PITPNC1: variants seen among roughly 807,000 people sequenced by gnomAD.
PITPNC1 encodes the protein cytoplasmic phosphatidylinositol transfer protein 1.
A neutral mutation model predicts 44.7 loss-of-function variants in PITPNC1; 18 were observed. The observed-to-expected ratio is 0.40, with a 90% CI of 0.28 to 0.60. The LOEUF (loss-of-function observed/expected upper bound fraction) is 0.60, where lower values mean the gene tolerates loss of function less well. PITPNC1 is among the 20% of genes least tolerant of loss of function. The probability of loss-of-function intolerance (pLI) is 0.39; values close to 1 mark genes in which losing one functional copy is unlikely to be tolerated. For missense variants in PITPNC1, 290 were observed against 418.4 expected, an observed-to-expected ratio of 0.69 and a Z score of 2.68; for synonymous variants, 141 against 149.6, an observed-to-expected ratio of 0.94 and a Z score of 0.42.
intron 1 of PITPNC1, among the ~76,000 whole-genome samples, chr17:67,387,559 G>A (rs995450242): frequency 2.0e-5 from 3 of 152,124 alleles, no homozygotes; most frequent in Non-Finnish European, 2.9e-5. Context: ...CCAGCTACTC[G>A]GGAGGCCAAC....
At chr17:67,610,212 G>A (rs927163858) in intron 5 of PITPNC1, among the ~76,000 whole-genome samples, 1 of 152,014 alleles carries the variant, frequency 6.6e-6, no homozygotes, top group Non-Finnish European at 1.5e-5. Flanking sequence ...CCACTGAATC[G>A]GAACCTGAAT....
chr17:67,462,884 T>C lies in PITPNC1; in HGVS notation c.49-69918T>C, dbSNP rs1005734341. On this transcript the variant is annotated intron_variant, in intron 1 of 8. Transcript: ENST00000581322. Reference sequence around the variant, plus strand: ...CGCCCGGCTAATTTTGTATTTTTAGTAGAGGCGGGGTTTCTGCATGTTGGT... The same window carrying C: ...CGCCCGGCTAATTTTGTATTTTTAGCAGAGGCGGGGTTTCTGCATGTTGGT... 2.0e-5 allele frequency among the ~76,000 whole-genome samples: 3 copies of C among 152,230 alleles called. No homozygotes were observed. In the East Asian group the frequency reaches 5.8e-4, roughly 30 times the overall value.
intron 1 of PITPNC1, among the ~76,000 whole-genome samples, chr17:67,509,508 G>A (rs1228192018): frequency 1.3e-5 from 2 of 151,758 alleles, no homozygotes; most frequent in Non-Finnish European, 2.9e-5. Flanking sequence ...CCACACTCCA[G>A]CCTGGGCAAC....
chr17:67,479,030 G>C (rs1360080624), intron 1 of PITPNC1, among the ~76,000 whole-genome samples: 1 of 151,930 alleles, frequency 6.6e-6, no homozygotes, highest in African/African-American at 2.4e-5. Flanking sequence ...AATCATTACT[G>C]AGCAATTCAC....
rs143708420 is a variant in PITPNC1, at chr17:67,493,570, G to A, written c.49-39232G>A. Among the ~76,000 whole-genome samples, 260 of 152,332 alleles carry A rather than the reference G, an allele frequency of 1.7e-3. 1 individual carries two copies. The highest frequency in any genetic ancestry group is 4.1e-3 in the Admixed American group (62 of 15,306). On this transcript the variant is annotated intron_variant, in intron 1 of 8. Coordinates refer to ENST00000581322, the MANE Select transcript of PITPNC1 (RefSeq NM_012417.4). Reference sequence around the variant, plus strand: ...AGTGCTGGTACAGCGGATAAGACTAGATTAAAACCCAGGGTCCCCAGCTGT... The same window carrying A: ...AGTGCTGGTACAGCGGATAAGACTAAATTAAAACCCAGGGTCCCCAGCTGT...
intron 6 of PITPNC1, among the ~76,000 whole-genome samples, chr17:67,641,729 G>A (rs1003739461): frequency 4.6e-5 from 7 of 151,436 alleles, no homozygotes; most frequent in South Asian, 2.1e-4. Context: ...CCCAGGAGTC[G>A]GAGGCTGCTG....
chr17:67,469,623 C>T (rs2039484577), intron 1 of PITPNC1, among the ~76,000 whole-genome samples: 1 of 152,138 alleles, frequency 6.6e-6, no homozygotes, highest in Non-Finnish European at 1.5e-5. Flanking sequence ...AGGTGCGGGT[C>T]ATCAGGGCCC....
intron 2 of PITPNC1, among the ~76,000 whole-genome samples, chr17:67,534,100 G>A (rs1390703287): frequency 6.6e-6 from 1 of 151,788 alleles, no homozygotes; most frequent in Non-Finnish European, 1.5e-5. Flanking sequence ...CCACCATGTT[G>A]GCCAGGCTGA....
intron 1 of PITPNC1, among the ~76,000 whole-genome samples, chr17:67,500,937 A>G (rs1257525362): frequency 6.6e-6 from 1 of 151,626 alleles, no homozygotes; most frequent in Non-Finnish European, 1.5e-5. Flanking sequence ...CAGTCCTCCC[A>G]TCTCTGCCTC....
intron 2 of PITPNC1, among the ~76,000 whole-genome samples, chr17:67,537,758 TCA>T (rs1489189592): frequency 6.6e-6 from 1 of 151,980 alleles, no homozygotes; most frequent in Non-Finnish European, 1.5e-5. Context: ...GATCATGAGG[TCA>T]GGAGATTGAG....
At chr17:67,564,358 T>C (rs898829034) in intron 4 of PITPNC1, among the ~76,000 whole-genome samples, 2 of 151,960 alleles carry the variant, frequency 1.3e-5, no homozygotes, top group Non-Finnish European at 2.9e-5. Flanking sequence ...GTGTAGGTCC[T>C]GGAGTCCAAA....
At chr17:67,493,273 T>G (rs2039887823) in intron 1 of PITPNC1, among the ~76,000 whole-genome samples, 1 of 152,174 alleles carries the variant, frequency 6.6e-6, no homozygotes, top group Non-Finnish European at 1.5e-5. Context: ...ATTACAGGGC[T>G]GGGCAGGCGT....
At chr17:67,483,897 A>C (rs1396924289) in intron 1 of PITPNC1, among the ~76,000 whole-genome samples, 1 of 148,960 alleles carries the variant, frequency 6.7e-6, no homozygotes, top group African/African-American at 2.5e-5. Context: ...TTCTCCCTTC[A>C]CCCTTGCTAA....
intron 1 of PITPNC1, among the ~76,000 whole-genome samples, chr17:67,486,249 A>G (rs1237303895): frequency 1.3e-5 from 2 of 152,116 alleles, no homozygotes; most frequent in African/African-American, 4.8e-5. Flanking sequence ...ATATTATCTT[A>G]GTCTTGGGCT....
At chr17:67,653,773 G>A (rs2042234245) in intron 6 of PITPNC1, among the ~76,000 whole-genome samples, 1 of 152,198 alleles carries the variant, frequency 6.6e-6, no homozygotes, top group African/African-American at 2.4e-5. Flanking sequence ...CTGAGTTAAT[G>A]TAGGATTTCT....
intron 1 of PITPNC1, among the ~76,000 whole-genome samples, chr17:67,494,081 C>T (rs1374860774): frequency 1.3e-5 from 2 of 152,160 alleles, no homozygotes; most frequent in African/African-American, 2.4e-5. Context: ...GCTTATTATA[C>T]GATACATATG....
intron 1 of PITPNC1, among the ~76,000 whole-genome samples, chr17:67,492,594 A>G (rs1568012172): frequency 6.6e-6 from 1 of 152,182 alleles, no homozygotes; most frequent in Non-Finnish European, 1.5e-5. Flanking sequence ...TAAGGAAACT[A>G]ATAAAATCAT....
chr17:67,387,422 T>C (rs2038071544), intron 1 of PITPNC1, among the ~76,000 whole-genome samples: 1 of 152,166 alleles, frequency 6.6e-6, no homozygotes, highest in South Asian at 2.1e-4. Context: ...TCCCAGCACT[T>C]TGGGGTGCCG....
chr17:67,529,233 C>T (rs556812121), intron 1 of PITPNC1, among the ~76,000 whole-genome samples: 1 of 152,280 alleles, frequency 6.6e-6, no homozygotes, highest in East Asian at 1.9e-4. Context: ...AGGAAGCACT[C>T]GAGCTGAGCC....
Sources: allele counts gnomAD v4.1 joint callset (sites outside exome capture counted in the v4.1 genomes callset), GRCh38; gene constraint gnomAD v4.1.1; transcripts MANE v1.5; gene names NCBI Gene and HGNC (gene_info 2026-07-23, HGNC 2026-07-21).